Variants in SLC14A2 observed in about 807,000 individuals in gnomAD.
The protein encoded by SLC14A2 is urea transporter 2.
A neutral mutation model predicts 104.6 loss-of-function variants in SLC14A2; 91 were observed. The ratio of observed to expected loss-of-function variants is 0.87; its 90% CI spans 0.73 to 1.04. SLC14A2 has a LOEUF of 1.04. Among genes scored for constraint, SLC14A2 ranks in the 50% least tolerant of loss-of-function variants. The probability of loss-of-function intolerance (pLI) is 0.00; values close to 1 mark genes in which losing one functional copy is unlikely to be tolerated. For synonymous variants in SLC14A2, 476 were observed against 466.4 expected, an observed-to-expected ratio of 1.02 and a Z score of -0.27; for missense variants, 1,189 against 1,156.0, an observed-to-expected ratio of 1.03 and a Z score of -0.41.
chr18:45,271,781 C>T (rs997512995), intron 1 of SLC14A2, among the ~76,000 whole-genome samples: 1 of 151,930 alleles, frequency 6.6e-6, no homozygotes, highest in Non-Finnish European at 1.5e-5. Flanking sequence ...ACATTCTTCA[C>T]AGAAATAGAA....
At chr18:45,192,674 T>G in the SLC14A2 span, among the ~76,000 whole-genome samples, 1 of 151,914 alleles carries the variant, frequency 6.6e-6, no homozygotes, top group Admixed American at 6.6e-5. Flanking sequence ...TTTGTTTTTT[T>G]GAGATGGAGT....
At chr18:45,371,714 C>G (rs576962780) in intron 1 of SLC14A2, among the ~76,000 whole-genome samples, 1 of 152,290 alleles carries the variant, frequency 6.6e-6, no homozygotes, top group East Asian at 1.9e-4. Flanking sequence ...GATAAATGCC[C>G]ATTGTGCAAA....
At chr18:45,474,288 A>G (rs74808158) in intron 1 of SLC14A2, among the ~76,000 whole-genome samples, 1 of 152,134 alleles carries the variant, frequency 6.6e-6, no homozygotes. Context: ...CCCGTATTTT[A>G]TTGAGGATTT....
intron 2 of SLC14A2, among the ~76,000 whole-genome samples, chr18:45,524,914 T>C (rs192195390): frequency 7.2e-5 from 11 of 152,326 alleles, no homozygotes; most frequent in African/African-American, 2.6e-4. Flanking sequence ...TGGTGAGATT[T>C]CTGGTAGGAC....
intron 1 of SLC14A2, among the ~76,000 whole-genome samples, chr18:45,315,342 C>A (rs2085118732): frequency 6.6e-6 from 1 of 152,164 alleles, no homozygotes; most frequent in South Asian, 2.1e-4. Flanking sequence ...CAGATTCTAA[C>A]ACTCTAGCAT....
chr18:45,494,434 G>A (rs1361696351), intron 2 of SLC14A2, among the ~76,000 whole-genome samples: 3 of 152,100 alleles, frequency 2.0e-5, no homozygotes, highest in Admixed American at 2.0e-4. Flanking sequence ...TTCTCACTCT[G>A]TCACCCAGGC....
chr18:45,418,409 G>C (rs1413272496), intron 1 of SLC14A2, among the ~76,000 whole-genome samples: 2 of 152,210 alleles, frequency 1.3e-5, no homozygotes, highest in Non-Finnish European at 2.9e-5. Flanking sequence ...AAACAACTAA[G>C]CTACAAGAAA....
chr18:45,244,694 T>G (rs2084351327), intron 1 of SLC14A2, among the ~76,000 whole-genome samples: 1 of 152,102 alleles, frequency 6.6e-6, no homozygotes, highest in African/African-American at 2.4e-5. Flanking sequence ...CATGCCTGTA[T>G]GAGGAAAGCC....
At chr18:45,576,762 G>A (rs112171267) in intron 2 of SLC14A2, among the ~76,000 whole-genome samples, 4 of 152,228 alleles carry the variant, frequency 2.6e-5, no homozygotes, top group African/African-American at 9.6e-5. Flanking sequence ...GAGGCCAATG[G>A]ATCAAGAGAC....
chr18:45,373,329 GGTGAT>G (rs1171195639), intron 1 of SLC14A2, among the ~76,000 whole-genome samples: 1 of 152,032 alleles, frequency 6.6e-6, no homozygotes, highest in Non-Finnish European at 1.5e-5. Flanking sequence ...TGCTGCATTG[GGTGAT>G]GTTAGATTAG....
At chr18:45,657,735 T>G (rs2045865750) in intron 10 of SLC14A2, among the ~76,000 whole-genome samples, 1 of 152,232 alleles carries the variant, frequency 6.6e-6, no homozygotes, top group Non-Finnish European at 1.5e-5. Context: ...CCATTTCTTG[T>G]GGCCTCAGTT....
intron 1 of SLC14A2, among the ~76,000 whole-genome samples, chr18:45,235,598 G>A (rs1056298121): frequency 6.6e-6 from 1 of 151,614 alleles, no homozygotes; most frequent in Non-Finnish European, 1.5e-5. Flanking sequence ...TTAGCCTCCA[G>A]TAGCTACTAT....
At chr18:45,345,216 T>C (rs1319234844) in intron 1 of SLC14A2, among the ~76,000 whole-genome samples, 1 of 152,236 alleles carries the variant, frequency 6.6e-6, no homozygotes, top group African/African-American at 2.4e-5. Context: ...ATGAGAATAG[T>C]CTCAGAGAAC....
chr18:45,420,535 T>C (rs886604748), intron 1 of SLC14A2, among the ~76,000 whole-genome samples: 7 of 152,152 alleles, frequency 4.6e-5, no homozygotes, highest in Admixed American at 1.3e-4. Context: ...ATTCAGAAGA[T>C]GATACTACCC....
intron 1 of SLC14A2, among the ~76,000 whole-genome samples, chr18:45,406,251 G>A (rs2086153568): frequency 6.6e-6 from 1 of 152,204 alleles, no homozygotes; most frequent in Admixed American, 6.5e-5. Flanking sequence ...TCCACTAGGA[G>A]TAGATTCCAT....
chr18:45,213,319 A>C (rs931953644), intron 1 of SLC14A2: 1 of 152,080 alleles, frequency 6.6e-6, no homozygotes, highest in African/African-American at 2.4e-5. Flanking sequence ...TTTTCAGGAG[A>C]AAATATATTC....
intron 2 of SLC14A2, among the ~76,000 whole-genome samples, chr18:45,509,553 A>G (rs1231587767): frequency 6.6e-6 from 1 of 152,206 alleles, no homozygotes; most frequent in Non-Finnish European, 1.5e-5. Flanking sequence ...AAAAGCCCAG[A>G]TATGGTTGTG....
At chr18:45,246,529 A>G (rs565944627) in intron 1 of SLC14A2, among the ~76,000 whole-genome samples, 1 of 152,316 alleles carries the variant, frequency 6.6e-6, no homozygotes, top group Non-Finnish European at 1.5e-5. Flanking sequence ...ACCTCATTTC[A>G]AACCTCTCAC....
intron 2 of SLC14A2, among the ~76,000 whole-genome samples, chr18:45,546,157 G>A (rs1165504950): frequency 6.6e-6 from 1 of 152,172 alleles, no homozygotes; most frequent in Admixed American, 6.5e-5. Context: ...GTTATAACCA[G>A]TCTGTCCCTA....
Sources: gnomAD v4.1 joint callset for allele counts (sites outside exome capture counted in the v4.1 genomes callset) on GRCh38, gnomAD v4.1.1 for gene constraint, MANE v1.5 for transcripts, NCBI Gene and HGNC (gene_info 2026-07-23, HGNC 2026-07-21) for gene names.